Variants in NOX5 observed in about 807,000 individuals in gnomAD.
NOX5 encodes the protein NADPH oxidase, EF-hand calcium binding domain 5.
NOX5 carries 76 observed loss-of-function variants against 85.7 expected under a neutral mutation model. The observed-to-expected ratio is 0.89, with a 90% CI of 0.74 to 1.07. The LOEUF (loss-of-function observed/expected upper bound fraction) is 1.07, where lower values mean the gene tolerates loss of function less well. NOX5 is among the 50% of genes least tolerant of loss of function. The pLI is 0.00. For missense variants in NOX5, 973 were observed against 999.5 expected (o/e 0.97, Z 0.36); for synonymous variants, 405 against 401.4 (o/e 1.01, Z -0.11).
intron 1 of NOX5, chr15:69,022,818 A>G: frequency 3.5e-6 from 1 of 287,628 alleles, no homozygotes; most frequent in South Asian, 3.5e-5. Context: ...AATGGAGCCT[A>G]TTACTGATCC....
intron 11 of NOX5, 112 bp downstream of exon 11, chr15:69,046,978 A>C: frequency 9.0e-7 from 1 of 1,106,614 alleles, no homozygotes; most frequent in Non-Finnish European, 1.3e-6. Flanking sequence ...AAGCTCCTCA[A>C]ATCCTCATGG....
At chr15:69,047,277 C>T (rs2050685751) in intron 11 of NOX5, 136 bp from the exon 12 acceptor site, 1 of 1,179,562 alleles carries the variant, frequency 8.5e-7, no homozygotes, top group African/African-American at 1.5e-5. Flanking sequence ...GTGGGAGCCA[C>T]TTAGACCTGG....
rs2050867431 is a variant in NOX5 at position 69,061,129 on chromosome 15, GTATC to G, written c.*4437_*4440del. The G allele has an allele frequency of 2.0e-5, 3 of 152,236 alleles. No individual in the cohort carries two copies. Among genetic ancestry groups the G allele is most frequent in the African/African-American group, 7.2e-5 (3 of 41,450 alleles). The allele number at this position is 152,236 out of a possible 1,614,324, so 9.4% of individuals were successfully genotyped here. ...TAATTTATGTACTTTTGTATGGCTT[GTATC>G]TATTTTTTAAGAGTAAAACAAAATG... On this transcript the variant is annotated 3_prime_UTR_variant, in exon 16 of 16. Transcript: ENST00000388866.
At chr15:69,042,567 T>C in intron 9 of NOX5, 96 bp from the exon 10 acceptor site, 1 of 1,378,424 alleles carries the variant, frequency 7.3e-7, no homozygotes, top group South Asian at 1.4e-5. Context: ...CTTGGAGGGC[T>C]GAGGCCCAGC....
chr15:69,053,249 T>A (rs139137419), intron 14 of NOX5, among the ~76,000 whole-genome samples: 1 of 152,366 alleles, frequency 6.6e-6, no homozygotes, highest in Non-Finnish European at 1.5e-5. Flanking sequence ...ATTTAACTAG[T>A]TTGCCTTGAA....
intron 9 of NOX5, 98 bp downstream of exon 9, chr15:69,039,087 G>A: frequency 2.2e-6 from 3 of 1,356,300 alleles, no homozygotes; most frequent in Non-Finnish European, 2.1e-6. Context: ...ACTGAACAAG[G>A]CCAGAAACAC....
chr15:69,036,464 G>A (rs1399432913), intron 7 of NOX5, among the ~76,000 whole-genome samples: 1 of 152,190 alleles, frequency 6.6e-6, no homozygotes, highest in Non-Finnish European at 1.5e-5. Context: ...AGAGGACTTG[G>A]TTTGGAGAGC....
rs1015142633 is a variant in NOX5, at chr15:69,047,640, G to A, written c.1817+103G>A. 11 of 1,445,428 alleles carry A rather than the reference G, an allele frequency of 7.6e-6. No individual in the cohort carries two copies. In the South Asian group the frequency reaches 8.1e-5, roughly 11 times the overall value. The allele number at this position is 1,445,428 out of a possible 1,614,324, so 89.5% of individuals were successfully genotyped here. ...CCTTCTCCTTCCTCTCCTTTCACCT[G>A]TCTCTCTCTGCTCTTCTCTCTCTTT... On this transcript the variant is annotated intron_variant, in intron 12 of 15. Coordinates refer to ENST00000388866, the MANE Select transcript of NOX5 (RefSeq NM_024505.4).
intron 11 of NOX5, chr15:69,047,178 G>T (rs1213453582): frequency 1.7e-6 from 1 of 587,094 alleles, no homozygotes; most frequent in Non-Finnish European, 2.9e-6. Context: ...ATGCGAATTG[G>T]GTCCTTGTTT....
At chr15:69,026,466 C>G (rs1478427614) in intron 1 of NOX5, 62 bp from the exon 2 acceptor site, 43 of 1,608,808 alleles carry the variant, frequency 2.7e-5, no homozygotes, top group Non-Finnish European at 3.7e-5. Context: ...CTGGGACCAC[C>G]ATGAGACCTC....
At chr15:69,052,256 T>C (rs2050758705) in intron 14 of NOX5, among the ~76,000 whole-genome samples, 1 of 151,782 alleles carries the variant, frequency 6.6e-6, no homozygotes, top group Admixed American at 6.6e-5. Flanking sequence ...TGTCCTCCCC[T>C]CAACCTCTCC....
chr15:69,051,473 G>T (rs1462932397), intron 14 of NOX5, among the ~76,000 whole-genome samples: 1 of 151,658 alleles, frequency 6.6e-6, no homozygotes, highest in Non-Finnish European at 1.5e-5. Flanking sequence ...TCTGCCTCCC[G>T]GGCTCAAGCG....
chr15:69,048,011 T>C, intron 13 of NOX5, 100 bp downstream of exon 13: 6 of 962,492 alleles, frequency 6.2e-6, no homozygotes, highest in Non-Finnish European at 9.8e-6. Flanking sequence ...AGCGGATAGG[T>C]GATCCCTAAT....
At chr15:69,032,918 G>A in intron 4 of NOX5, 125 bp from the exon 5 acceptor site, 2 of 1,318,446 alleles carry the variant, frequency 1.5e-6, no homozygotes, top group South Asian at 2.8e-5. Context: ...CTGTTTCCTG[G>A]TGTGAAGAAA....
In NOX5 at chr15:69,033,222, TCATGGTGGCCAAGGGCTGCG is replaced by T. The variant is rs770841562; in HGVS notation, c.801_820del (p.Met268ProfsTer122). ...GCGCACCGGGACCTCGGCGCCAGCG[TCATGGTGGCCAAGGGCTGCG>T]GCCAGTGCCTCAACTTCGACTGCAG... On this transcript the variant is annotated frameshift_variant, in exon 5 of 16. Transcript: ENST00000388866. LOFTEE classifies it high-confidence loss of function. 6.3e-7 allele frequency: 1 copy of T among 1,597,912 alleles called. No homozygotes were observed. The highest frequency in any genetic ancestry group is 2.2e-5 in the East Asian group (1 of 44,794).
chr15:69,044,431 GT>G (rs1445966902), intron 10 of NOX5, among the ~76,000 whole-genome samples: 1 of 152,192 alleles, frequency 6.6e-6, no homozygotes, highest in Non-Finnish European at 1.5e-5. Context: ...ATAAGTCAGT[GT>G]CAAGAGGTAG....
At position 69,028,254 on chromosome 15, in the gene NOX5, G is replaced by A. The variant is rs548945801; in HGVS notation, c.214G>A (p.Asp72Asn). ...GCGATTCTTTGCCCTATTTGACTCCGATAGAAGTGGCACCATCACCCTCCA... is the reference window on the plus strand; with the variant it reads ...GCGATTCTTTGCCCTATTTGACTCCAATAGAAGTGGCACCATCACCCTCCA... ...AERFFALFDS[D>N]RSGTITLQEL... The change falls in exon 3 of 16, where the codon GAT becomes AAT. Residue 72 changes from aspartate to asparagine, a missense_variant. Transcript: ENST00000388866. 46 of 1,612,836 alleles carry A rather than the reference G, an allele frequency of 2.9e-5. No homozygotes were observed. The South Asian group carries it at 3.4e-4, about 12-fold the overall frequency.
chr15:69,030,802 T>C (rs891082771), intron 3 of NOX5: 2 of 152,256 alleles, frequency 1.3e-5, no homozygotes, highest in African/African-American at 4.8e-5. Flanking sequence ...TCGAGTTTCC[T>C]TGAGCTAGTT....
chr15:69,050,503 G>A (rs778191784), intron 14 of NOX5, among the ~76,000 whole-genome samples: 6 of 152,092 alleles, frequency 3.9e-5, no homozygotes, highest in Non-Finnish European at 5.9e-5. Context: ...CAATTCTTCT[G>A]CCTCAGTCTC....
Sources: gnomAD v4.1 joint callset for allele counts (sites outside exome capture counted in the v4.1 genomes callset) on GRCh38, gnomAD v4.1.1 for gene constraint, MANE v1.5 for transcripts, NCBI Gene and HGNC (gene_info 2026-07-23, HGNC 2026-07-21) for gene names.